Variants in TRPC6 observed in about 807,000 individuals in gnomAD.
TRPC6 encodes the protein transient receptor potential cation channel subfamily C member 6.
TRPC6 carries 55 observed loss-of-function variants against 90.7 expected under a neutral mutation model. The ratio of observed to expected loss-of-function variants is 0.61; its 90% CI spans 0.49 to 0.76. TRPC6 has a LOEUF of 0.76. TRPC6 is among the 30% of genes least tolerant of loss of function. The pLI, the probability that TRPC6 is intolerant of heterozygous loss-of-function variation, is 0.00. For synonymous variants in TRPC6, 393 were observed against 393.0 expected, an observed-to-expected ratio of 1.00 and a Z score of 0.00; for missense variants, 989 against 1,122.7, an observed-to-expected ratio of 0.88 and a Z score of 1.70.
chr11:101,579,449 T>C (rs1182443599), intron 1 of TRPC6, among the ~76,000 whole-genome samples: 1 of 152,246 alleles, frequency 6.6e-6, no homozygotes, highest in Non-Finnish European at 1.5e-5. Flanking sequence ...CATGGTCCAC[T>C]GACTCTCACT....
Position 101,492,286 on chromosome 11 carries a change from TA to T in TRPC6, c.946-549del, listed in dbSNP as rs1193424250. ...TATCTAAAGCATAATCAAAGTTATT[TA>T]AAAAAGAGTATGCTGGCCGGGTGTG... is the stretch of plus-strand genomic sequence containing the variant. On this transcript the variant is annotated intron_variant, in intron 2 of 12. Transcript: ENST00000344327. Among the ~76,000 whole-genome samples, 8 of 152,256 alleles carry T rather than the reference TA, an allele frequency of 5.3e-5. No individual in the cohort carries two copies. In the South Asian group the frequency reaches 1.7e-3, roughly 32 times the overall value.
At chr11:101,470,048 A>C (rs1859252496) in intron 9 of TRPC6, among the ~76,000 whole-genome samples, 1 of 152,164 alleles carries the variant, frequency 6.6e-6, no homozygotes, top group African/African-American at 2.4e-5. Flanking sequence ...TAATGATAGA[A>C]TCTTATTGCA....
At chr11:101,529,226 A>G (rs1860852624) in intron 1 of TRPC6, among the ~76,000 whole-genome samples, 1 of 152,184 alleles carries the variant, frequency 6.6e-6, no homozygotes, top group Non-Finnish European at 1.5e-5. Context: ...ACTGCCCAAT[A>G]TCTGCTCCTG....
At chr11:101,581,123 AC>A (rs1350048445) in intron 1 of TRPC6, among the ~76,000 whole-genome samples, 1 of 152,208 alleles carries the variant, frequency 6.6e-6, no homozygotes, top group African/African-American at 2.4e-5. Context: ...GTATTATAGT[AC>A]CTCTGACATC....
intron 1 of TRPC6, among the ~76,000 whole-genome samples, chr11:101,560,298 T>TAAA (rs531212216): frequency 1.4e-5 from 2 of 147,652 alleles, no homozygotes; most frequent in African/African-American, 5.0e-5. Context: ...GGCTTCTCTT[T>TAAA]AAAAAAAAAA....
chr11:101,567,340 C>T (rs1861859608), intron 1 of TRPC6, among the ~76,000 whole-genome samples: 1 of 104,484 alleles, frequency 9.6e-6, no homozygotes, highest in African/African-American at 3.4e-5. Flanking sequence ...CTGGGCAGGG[C>T]ATCTCTGAAA....
chr11:101,499,017 A>C (rs985713350), intron 2 of TRPC6, among the ~76,000 whole-genome samples: 3 of 152,202 alleles, frequency 2.0e-5, no homozygotes, highest in African/African-American at 7.2e-5. Flanking sequence ...TCAGATGGAC[A>C]GTGCAGGGTG....
intron 1 of TRPC6, among the ~76,000 whole-genome samples, chr11:101,529,736 C>T (rs1249924308): frequency 6.6e-6 from 1 of 152,208 alleles, no homozygotes; most frequent in Non-Finnish European, 1.5e-5. Context: ...GCCCCCTGCT[C>T]ATATACCCAC....
At chr11:101,523,088 TA>T (rs1860697679) in intron 1 of TRPC6, among the ~76,000 whole-genome samples, 2 of 152,218 alleles carry the variant, frequency 1.3e-5, no homozygotes, top group South Asian at 4.1e-4. Context: ...CCCATGAATT[TA>T]AAAATTTGGC....
intron 1 of TRPC6, among the ~76,000 whole-genome samples, chr11:101,505,571 C>T (rs1565222169): frequency 1.3e-5 from 2 of 152,092 alleles, no homozygotes; most frequent in Non-Finnish European, 1.5e-5. Flanking sequence ...TTAATATGGG[C>T]AATAAATGCT....
intron 10 of TRPC6, among the ~76,000 whole-genome samples, chr11:101,459,080 TA>T (rs1858946346): frequency 1.3e-5 from 2 of 152,226 alleles, no homozygotes; most frequent in Admixed American, 1.3e-4. Context: ...ATGTATGTCG[TA>T]AAACCAAGCC....
intron 6 of TRPC6, among the ~76,000 whole-genome samples, chr11:101,475,863 C>CACAT (rs1554998050): frequency 1.3e-5 from 2 of 151,278 alleles, no homozygotes; most frequent in Non-Finnish European, 2.9e-5. Context: ...CACACACACA[C>CACAT]ATGTGTGTAC....
At chr11:101,571,293 C>T (rs778510513) in intron 1 of TRPC6, among the ~76,000 whole-genome samples, 19 of 152,030 alleles carry the variant, frequency 1.2e-4, no homozygotes, top group Non-Finnish European at 2.2e-4. Flanking sequence ...GAATAAAATA[C>T]CTAGGAATCC....
At position 101,476,285 on chromosome 11, in the gene TRPC6, T is replaced by A; in HGVS notation, c.1744+16A>T. 1.2e-6 allele frequency: 2 copies of A among 1,605,384 alleles called. No homozygotes were observed. The highest frequency in any genetic ancestry group is 2.2e-5 in the South Asian group (2 of 90,856). ...ATTCTGCATTTTTATTTATATTGACTGTACTGTAAACTCACCCAAATTGTA... is the reference window on the plus strand; with the variant it reads ...ATTCTGCATTTTTATTTATATTGACAGTACTGTAAACTCACCCAAATTGTA... On this transcript the variant is annotated intron_variant, in intron 6 of 12. Transcript: ENST00000344327.
chr11:101,518,262 A>C (rs916095416), intron 1 of TRPC6, among the ~76,000 whole-genome samples: 8 of 152,194 alleles, frequency 5.3e-5, no homozygotes, highest in Non-Finnish European at 8.8e-5. Flanking sequence ...GACAACCCAC[A>C]GAATCGAAGA....
At chr11:101,490,278 G>A (rs752444435) in intron 3 of TRPC6, among the ~76,000 whole-genome samples, 1 of 152,124 alleles carries the variant, frequency 6.6e-6, no homozygotes. Flanking sequence ...TTTATTGACT[G>A]TTATATAAAG....
At chr11:101,529,803 G>C (rs1314192778) in intron 1 of TRPC6, among the ~76,000 whole-genome samples, 1 of 152,152 alleles carries the variant, frequency 6.6e-6, no homozygotes, top group Non-Finnish European at 1.5e-5. Context: ...TGGGAGCTTT[G>C]GGATCTAGGG....
At chr11:101,561,426 A>C (rs1299125596) in intron 1 of TRPC6, among the ~76,000 whole-genome samples, 1 of 152,174 alleles carries the variant, frequency 6.6e-6, no homozygotes, top group African/African-American at 2.4e-5. Flanking sequence ...CATGAGTTCC[A>C]TGCCAACTCT....
At chr11:101,571,087 T>A (rs1472321188) in intron 1 of TRPC6, among the ~76,000 whole-genome samples, 2 of 152,216 alleles carry the variant, frequency 1.3e-5, no homozygotes, top group Non-Finnish European at 2.9e-5. Flanking sequence ...ATTGTCTCTG[T>A]TTGCAGATGA....
Sources: allele counts gnomAD v4.1 joint callset (sites outside exome capture counted in the v4.1 genomes callset), GRCh38; gene constraint gnomAD v4.1.1; transcripts MANE v1.5; gene names NCBI Gene and HGNC (gene_info 2026-07-23, HGNC 2026-07-21).